RGS21: variants seen among roughly 807,000 people sequenced by gnomAD.
The protein encoded by RGS21 is regulator of G-protein signalling 21.
In RGS21, 19 loss-of-function variants were observed where a neutral mutation model predicts 18.7. The ratio of observed to expected loss-of-function variants is 1.01; its 90% CI spans 0.71 to 1.49. RGS21 has a LOEUF of 1.49. Among genes scored for constraint, RGS21 ranks in the 40% most tolerant of loss-of-function variants. RGS21 has a pLI of 0.00. For missense variants in RGS21, 194 were observed against 176.8 expected (o/e 1.10, Z -0.55); for synonymous variants, 56 against 57.8 (o/e 0.97, Z 0.14).
intron 3 of RGS21, among the ~76,000 whole-genome samples, chr1:192,350,546 C>T (rs368820905): frequency 3.3e-5 from 5 of 152,050 alleles, no homozygotes; most frequent in African/African-American, 9.7e-5. Flanking sequence ...CTGCTTGGAG[C>T]ACATGCAAAG....
intron 1 of RGS21, among the ~76,000 whole-genome samples, chr1:192,321,043 G>T (rs1425387422): frequency 1.3e-5 from 2 of 151,692 alleles, no homozygotes; most frequent in African/African-American, 4.8e-5. Context: ...TATCTATTTT[G>T]AATTTGAATT....
rs1659269087 is a variant in RGS21, at chr1:192,366,975, A to C, written c.*851A>C. The C allele has an allele frequency of 6.6e-6, 1 of 151,644 alleles. No individual in the cohort carries two copies. Among genetic ancestry groups the C allele is most frequent in the Admixed American group, 6.6e-5 (1 of 15,218 alleles). 9.4% of individuals were successfully genotyped at this position (151,644 alleles called of 1,614,324 possible). On this transcript the variant is annotated 3_prime_UTR_variant, in exon 5 of 5. Coordinates refer to ENST00000417209, the MANE Select transcript of RGS21 (RefSeq NM_001039152.3). ...TGATACTTGTTTATAAAACCCAAAC[A>C]ATTTTTAAATGCATTTATTTTGAGA...
At chr1:192,355,099 C>A (rs567841636) in intron 4 of RGS21, among the ~76,000 whole-genome samples, 58 of 151,708 alleles carry the variant, frequency 3.8e-4, no homozygotes, top group African/African-American at 1.4e-3. Context: ...TATGATGTAG[C>A]AGAAAAACTA....
Position 192,331,106 on chromosome 1 carries a change from GA to G in RGS21, c.-60-11869del, listed in dbSNP as rs1658641091. Reference sequence around the variant, plus strand: ...GACTACTTTAAGAAAGACTATAATGGAACATATGAATCCCTGAATAAATAAT... The same window carrying G: ...GACTACTTTAAGAAAGACTATAATGGACATATGAATCCCTGAATAAATAAT... On this transcript the variant is annotated intron_variant, in intron 1 of 4. Coordinates refer to ENST00000417209, the MANE Select transcript of RGS21 (RefSeq NM_001039152.3). 2.6e-5 allele frequency among the ~76,000 whole-genome samples: 4 copies of G among 152,140 alleles called. No homozygotes were observed. In the South Asian group the frequency reaches 8.3e-4, roughly 31 times the overall value.
chr1:192,333,966 A>G (rs1658727481), intron 1 of RGS21, among the ~76,000 whole-genome samples: 1 of 152,196 alleles, frequency 6.6e-6, no homozygotes. Context: ...ATGTCAAAAT[A>G]AAAAGCTGAA....
chr1:192,323,277 C>T (rs1382005482), intron 1 of RGS21, among the ~76,000 whole-genome samples: 1 of 152,120 alleles, frequency 6.6e-6, no homozygotes, highest in Non-Finnish European at 1.5e-5. Context: ...CATTTATTTG[C>T]ATGGCATCTG....
intron 3 of RGS21, among the ~76,000 whole-genome samples, chr1:192,350,904 A>G (rs572385290): frequency 6.6e-6 from 1 of 152,314 alleles, no homozygotes; most frequent in South Asian, 2.1e-4. Context: ...ACAATATCAA[A>G]TATCTTTAGG....
At chr1:192,349,132 G>C (rs984033411) in intron 3 of RGS21, among the ~76,000 whole-genome samples, 1 of 152,006 alleles carries the variant, frequency 6.6e-6, no homozygotes, top group Non-Finnish European at 1.5e-5. Flanking sequence ...TTGCTAAAAG[G>C]CTTACTGAAT....
intron 1 of RGS21, among the ~76,000 whole-genome samples, chr1:192,334,353 A>G (rs1326124692): frequency 1.3e-5 from 2 of 152,128 alleles, no homozygotes; most frequent in African/African-American, 4.8e-5. Context: ...GATCAAATAC[A>G]GTTTATGAAG....
intron 1 of RGS21, among the ~76,000 whole-genome samples, chr1:192,339,033 A>G (rs1658812542): frequency 6.6e-6 from 1 of 152,092 alleles, no homozygotes; most frequent in Non-Finnish European, 1.5e-5. Flanking sequence ...AAATATGAAT[A>G]AAAATATTGA....
chr1:192,335,239 A>T (rs1557976303), intron 1 of RGS21, among the ~76,000 whole-genome samples: 1 of 152,282 alleles, frequency 6.6e-6, no homozygotes, highest in East Asian at 1.9e-4. Flanking sequence ...TCCACCACTT[A>T]AACTAAGTAA....
chr1:192,358,754 A>G (rs182431097), intron 4 of RGS21, among the ~76,000 whole-genome samples: 255 of 152,260 alleles, frequency 1.7e-3, no homozygotes, highest in Middle Eastern at 3.4e-3. Flanking sequence ...AAGAGAGCCA[A>G]CAGGTACACT....
intron 1 of RGS21, among the ~76,000 whole-genome samples, chr1:192,320,143 AG>A (rs887011418): frequency 4.6e-5 from 7 of 152,040 alleles, no homozygotes; most frequent in Non-Finnish European, 1.0e-4. Context: ...CAGAGAATCG[AG>A]GGTGGGAGGA....
intron 1 of RGS21, among the ~76,000 whole-genome samples, chr1:192,329,388 C>A (rs1294049037): frequency 6.6e-6 from 1 of 152,008 alleles, no homozygotes; most frequent in Non-Finnish European, 1.5e-5. Flanking sequence ...AGGACTTCTG[C>A]CTACCAAAGC....
chr1:192,365,488 T>A (rs1412159322), intron 4 of RGS21, among the ~76,000 whole-genome samples: 1 of 152,120 alleles, frequency 6.6e-6, no homozygotes, highest in Non-Finnish European at 1.5e-5. Context: ...AAAGCAGTGT[T>A]GTGAGGAACA....
At chr1:192,324,622 CA>C (rs1658541478) in intron 1 of RGS21, among the ~76,000 whole-genome samples, 1 of 150,774 alleles carries the variant, frequency 6.6e-6, no homozygotes, top group East Asian at 1.9e-4. Flanking sequence ...TGCACACACA[CA>C]CACATAATTA....
chr1:192,337,216 C>G (rs992627091), intron 1 of RGS21, among the ~76,000 whole-genome samples: 1 of 151,902 alleles, frequency 6.6e-6, no homozygotes, highest in African/African-American at 2.4e-5. Context: ...AGTACCATCT[C>G]AAATATTGTA....
chr1:192,331,191 A>G (rs1658642233), intron 1 of RGS21, among the ~76,000 whole-genome samples: 1 of 152,176 alleles, frequency 6.6e-6, no homozygotes, highest in African/African-American at 2.4e-5. Flanking sequence ...TGTGGAATTT[A>G]TTTTCTCCCT....
intron 1 of RGS21, among the ~76,000 whole-genome samples, chr1:192,339,060 T>C (rs896400158): frequency 1.1e-4 from 17 of 152,070 alleles, no homozygotes; most frequent in Admixed American, 5.2e-4. Flanking sequence ...CATAGAATAA[T>C]AACCAAGGAG....
Sources: gnomAD v4.1 joint callset for allele counts (sites outside exome capture counted in the v4.1 genomes callset) on GRCh38, gnomAD v4.1.1 for gene constraint, MANE v1.5 for transcripts, NCBI Gene and HGNC (gene_info 2026-07-23, HGNC 2026-07-21) for gene names.